Variants in MMD2 observed in about 807,000 individuals in gnomAD.
MMD2 encodes the protein monocyte to macrophage differentiation factor 2.
MMD2 carries 30 observed loss-of-function variants against 33.5 expected under a neutral mutation model. That is an observed-to-expected ratio of 0.90 (90% CI 0.67 to 1.22). MMD2 has a LOEUF of 1.22. Ranked by LOEUF, MMD2 falls within the 50% of genes most tolerant of loss-of-function variation. The pLI, the probability that MMD2 is intolerant of heterozygous loss-of-function variation, is 0.00. For missense variants in MMD2, 364 were observed against 325.4 expected (o/e 1.12, Z -0.91); for synonymous variants, 129 against 123.0 (o/e 1.05, Z -0.32).
At chr7:4,957,590 A>C (rs544303169) in intron 1 of MMD2, among the ~76,000 whole-genome samples, 4 of 151,938 alleles carry the variant, frequency 2.6e-5, no homozygotes, top group Admixed American at 6.6e-5. Context: ...TGGAGGTTGC[A>C]GTGGGCCGAG....
chr7:4,945,012 A>G (rs1423542485), intron 1 of MMD2, among the ~76,000 whole-genome samples: 2 of 118,616 alleles, frequency 1.7e-5, no homozygotes, highest in East Asian at 5.2e-4. Flanking sequence ...TTCTTTTCTT[A>G]CCTCTCCCTC....
chr7:4,895,952 T>G, the MMD2 span, among the ~76,000 whole-genome samples: 1 of 152,088 alleles, frequency 6.6e-6, no homozygotes, highest in South Asian at 2.1e-4. Context: ...CCGGGAATCA[T>G]GACAAAGACT....
downstream of MMD2, among the ~76,000 whole-genome samples, chr7:4,901,193 C>T (rs986722399): frequency 6.6e-6 from 1 of 151,682 alleles, no homozygotes; most frequent in African/African-American, 2.4e-5. Context: ...GTAATCCCAC[C>T]ACCTTGGGAG....
chr7:4,910,375 A>G (rs1784975358), intron 5 of MMD2, among the ~76,000 whole-genome samples: 1 of 152,172 alleles, frequency 6.6e-6, no homozygotes, highest in East Asian at 1.9e-4. Flanking sequence ...TCCCTGGACT[A>G]AATGACTTCC....
chr7:4,925,399 T>G, intron 2 of MMD2, 52 bp downstream of exon 2: 6 of 776,744 alleles, frequency 7.7e-6, no homozygotes, highest in Non-Finnish European at 9.8e-6. Context: ...CCCACCCCCC[T>G]TCCCCGGAAG....
chr7:4,924,717 G>A (rs1785377147), intron 2 of MMD2, among the ~76,000 whole-genome samples: 1 of 152,204 alleles, frequency 6.6e-6, no homozygotes, highest in Non-Finnish European at 1.5e-5. Context: ...TTCATAGGCA[G>A]GGCTGGAGTG....
chr7:4,913,809 C>T (rs1785074193), intron 4 of MMD2, among the ~76,000 whole-genome samples: 1 of 150,838 alleles, frequency 6.6e-6, no homozygotes, highest in Non-Finnish European at 1.5e-5. Context: ...CCACAGGTGC[C>T]TGCCACCACG....
intron 1 of MMD2, among the ~76,000 whole-genome samples, chr7:4,932,812 A>AG (rs1349072625): frequency 3.3e-5 from 5 of 151,776 alleles, no homozygotes; most frequent in African/African-American, 7.3e-5. Flanking sequence ...TAGTAGAAAC[A>AG]GGGGGTCTCA....
At chr7:4,895,874 C>A in the MMD2 span, among the ~76,000 whole-genome samples, 3 of 152,126 alleles carry the variant, frequency 2.0e-5, no homozygotes, top group African/African-American at 7.2e-5. Context: ...CCTGTACACC[C>A]CAGAACCTGC....
rs188413829 is a variant in MMD2 at position 4,943,334 on chromosome 7, G to A, written c.47+15637C>T. ...TTTTTTCTGTATTTTTAGTAAACAC[G>A]GGCTTTCACCATGTTGACGAGGATG... On this transcript the variant is annotated intron_variant, in intron 1 of 6. Transcript: ENST00000401401. Among the ~76,000 whole-genome samples the A allele has an allele frequency of 2.4e-4, 37 of 151,958 alleles. 1 individual carries two copies. Among genetic ancestry groups the A allele is most frequent in the Admixed American group, 9.9e-4 (15 of 15,228 alleles).
chr7:4,929,669 C>T (rs537985585), intron 1 of MMD2, among the ~76,000 whole-genome samples: 19 of 151,896 alleles, frequency 1.3e-4, no homozygotes, highest in Admixed American at 7.2e-4. Context: ...GAACTACAGG[C>T]GCCCGCCACC....
Position 4,919,656 on chromosome 7 carries a change from T to G in MMD2, c.290+515A>C, listed in dbSNP as rs1583366506. ...ATCCCAACACTTTGGGAGGCCGAGG[T>G]GGGTGGACCATCTGAGGTCAGGAGT... is the stretch of plus-strand genomic sequence containing the variant. On this transcript the variant is annotated intron_variant, in intron 3 of 6. Coordinates refer to ENST00000401401, the MANE Select transcript of MMD2 (RefSeq NM_198403.4). Among the ~76,000 whole-genome samples, 5 of 151,924 alleles carry G rather than the reference T, an allele frequency of 3.3e-5. No individual in the cohort carries two copies. In the South Asian group the frequency reaches 8.3e-4, roughly 25 times the overall value.
intron 1 of MMD2, among the ~76,000 whole-genome samples, chr7:4,941,489 G>A (rs949732162): frequency 3.9e-5 from 6 of 152,036 alleles, no homozygotes; most frequent in African/African-American, 7.2e-5. Context: ...AATAAGCCGG[G>A]CGTGGTGGCG....
At chr7:4,896,455 G>A in the MMD2 span, among the ~76,000 whole-genome samples, 1 of 152,150 alleles carries the variant, frequency 6.6e-6, no homozygotes, top group African/African-American at 2.4e-5. Context: ...ACTCCAGCCT[G>A]GGTGACAGAG....
intron 4 of MMD2, among the ~76,000 whole-genome samples, chr7:4,913,863 G>C (rs1043597416): frequency 6.6e-6 from 1 of 151,706 alleles, no homozygotes; most frequent in Non-Finnish European, 1.5e-5. Context: ...GGGTTTCACC[G>C]TGTTAGCCAG....
downstream of MMD2, among the ~76,000 whole-genome samples, chr7:4,905,051 C>A (rs1235505903): frequency 6.6e-6 from 1 of 152,148 alleles, no homozygotes; most frequent in East Asian, 1.9e-4. This position sits in a 1 kb window ranked among gnomAD's most constrained non-coding sequence, Gnocchi z 5.0. Context: ...GGGACCAGCA[C>A]CTCCAAAAAT....
chr7:4,899,874 A>G, the MMD2 span, among the ~76,000 whole-genome samples: 1 of 152,208 alleles, frequency 6.6e-6, no homozygotes, highest in Non-Finnish European at 1.5e-5. Flanking sequence ...GGCCCCAGCC[A>G]GGATGTAGCA....
At position 4,906,252 on chromosome 7, in the gene MMD2, G is replaced by C. The variant is rs1354235402; in HGVS notation, c.*1144C>G. On this transcript the variant is annotated 3_prime_UTR_variant, in exon 7 of 7. Coordinates refer to ENST00000401401, the MANE Select transcript of MMD2 (RefSeq NM_198403.4). ...GTAAATGTCCAGGCAGCATTGGACA[G>C]AGAGGCTGGCCCCGCCCTGACGGGG... 3 of 375,898 alleles carry C rather than the reference G, an allele frequency of 8.0e-6. No individual in the cohort carries two copies. The highest frequency in any genetic ancestry group is 1.4e-5 in the Non-Finnish European group (3 of 211,942). The allele number at this position is 375,898 out of a possible 1,614,324, so 23.3% of individuals were successfully genotyped here.
intron 6 of MMD2, among the ~76,000 whole-genome samples, chr7:4,908,692 T>A (rs868051128): frequency 6.6e-6 from 1 of 150,508 alleles, no homozygotes; most frequent in Non-Finnish European, 1.5e-5. Flanking sequence ...AGGTCAGGAG[T>A]TCGAGACCAG....
Sources: allele counts gnomAD v4.1 joint callset (sites outside exome capture counted in the v4.1 genomes callset), GRCh38; gene constraint gnomAD v4.1.1; non-coding constraint Gnocchi (gnomAD v3.1); transcripts MANE v1.5; gene names NCBI Gene and HGNC (gene_info 2026-07-23, HGNC 2026-07-21).